Variants in MAST4 observed in about 807,000 individuals in gnomAD.
The protein encoded by MAST4 is microtubule-associated serine/threonine-protein kinase 4.
A neutral mutation model predicts 162.7 loss-of-function variants in MAST4; 89 were observed. That is an observed-to-expected ratio of 0.55 (90% CI 0.46 to 0.65). The LOEUF is 0.65. Among genes scored for constraint, MAST4 ranks in the 30% least tolerant of loss-of-function variants. MAST4 has a pLI of 0.00. For missense variants in MAST4, 3,153 were observed against 3,374.0 expected (o/e 0.93, Z 1.62); for synonymous variants, 1,479 against 1,361.1 (o/e 1.09, Z -1.91).
At chr5:66,645,939 TAG>T (rs1393036425) in intron 1 of MAST4, among the ~76,000 whole-genome samples, 1 of 152,194 alleles carries the variant, frequency 6.6e-6, no homozygotes, top group African/African-American at 2.4e-5. Flanking sequence ...TAAAACATTT[TAG>T]ACAGAAATAT....
chr5:66,945,991 A>G (rs1035300059), intron 4 of MAST4, among the ~76,000 whole-genome samples: 1 of 152,160 alleles, frequency 6.6e-6, no homozygotes, highest in African/African-American at 2.4e-5. Context: ...AAGGGTTTCA[A>G]AATAACGCAG....
chr5:67,074,583 C>T (rs1185211801), intron 5 of MAST4, among the ~76,000 whole-genome samples: 1 of 151,922 alleles, frequency 6.6e-6, no homozygotes, highest in East Asian at 2.0e-4. Flanking sequence ...AATTGTAGTC[C>T]ATCTGTATAA....
chr5:66,827,096 C>T (rs1294130690), intron 3 of MAST4, among the ~76,000 whole-genome samples: 1 of 152,192 alleles, frequency 6.6e-6, no homozygotes, highest in African/African-American at 2.4e-5. Context: ...ACAAGGCTGG[C>T]CCTTTCTCCT....
At chr5:66,665,330 T>G (rs1747182417) in intron 1 of MAST4, among the ~76,000 whole-genome samples, 1 of 152,206 alleles carries the variant, frequency 6.6e-6, no homozygotes, top group Non-Finnish European at 1.5e-5. Flanking sequence ...ATGTGCTATG[T>G]CTTTTAGCGG....
intron 3 of MAST4, among the ~76,000 whole-genome samples, chr5:66,806,110 A>G (rs26385): frequency 0.49 from 74,569 of 151,948 alleles, 18,553 homozygotes; most frequent in East Asian, 0.65. Flanking sequence ...TCCCTGAACT[A>G]TCTCTACCCT....
chr5:66,993,920 A>AGGC, intron 4 of MAST4, among the ~76,000 whole-genome samples: 1 of 57,722 alleles, frequency 1.7e-5, no homozygotes, highest in African/African-American at 6.4e-5. Flanking sequence ...TGTGCAGAAG[A>AGGC]CCCCCCCCCC....
At chr5:67,094,776 A>C (rs1248255542) in intron 6 of MAST4, among the ~76,000 whole-genome samples, 1 of 152,148 alleles carries the variant, frequency 6.6e-6, no homozygotes, top group Non-Finnish European at 1.5e-5. Context: ...CCAAACTCCA[A>C]CTGAGAAACC....
At position 67,094,485 on chromosome 5, in the gene MAST4, C is replaced by G. The variant is rs1320835346; in HGVS notation, c.834-1112C>G. On this transcript the variant is annotated intron_variant, in intron 6 of 28. Transcript: ENST00000403625. ...ATAACAAACGTAATAACACGAATTA[C>G]AAAATGTCCATATATGACACTGCAA... Among the ~76,000 whole-genome samples the G allele has an allele frequency of 2.0e-5, 3 of 152,286 alleles. No homozygotes were observed. In the East Asian group the frequency reaches 5.8e-4, roughly 29 times the overall value.
At chr5:66,685,936 A>G (rs911657992) in intron 1 of MAST4, among the ~76,000 whole-genome samples, 2 of 152,088 alleles carry the variant, frequency 1.3e-5, no homozygotes, top group Non-Finnish European at 2.9e-5. Flanking sequence ...ATCATTAGGC[A>G]TTAGTTAGAT....
intron 13 of MAST4, among the ~76,000 whole-genome samples, chr5:67,120,708 A>G (rs1338951259): frequency 6.6e-6 from 1 of 152,130 alleles, no homozygotes; most frequent in East Asian, 1.9e-4. Flanking sequence ...GGCATTTTGG[A>G]GTTAAATTCC....
rs1773697848 is a variant in MAST4 at position 67,165,003 on chromosome 5, G to A, written c.5824G>A (p.Gly1942Arg). The change falls in exon 29 of 29, where the codon GGG (glycine) becomes AGG (arginine). Residue 1942 changes from glycine to arginine, a missense_variant. This residue lies in a region of MAST4 where 1,644 missense variants were observed against 1,495.0 expected (regional missense o/e 1.10). Transcript: ENST00000403625. ...TGACCCCAAGCTTCTGACCTGCCTG[G>A]GGCAGAACCTCCACAGCCCTGACCT... ...TTDPKLLTCL[G>R]QNLHSPDLAR... 1.2e-6 allele frequency: 2 copies of A among 1,613,464 alleles called. No homozygotes were observed. Among genetic ancestry groups the A allele is most frequent in the Non-Finnish European group, 1.7e-6 (2 of 1,179,752 alleles).
At position 66,650,594 on chromosome 5, in the gene MAST4, T is replaced by A. The variant is rs183657872; in HGVS notation, c.363+53576T>A. Among the ~76,000 whole-genome samples, 143 of 152,338 alleles carry A rather than the reference T, an allele frequency of 9.4e-4. 1 individual carries two copies. The highest frequency in any genetic ancestry group is 1.9e-3 in the Non-Finnish European group (126 of 68,028). Reference sequence around the variant, plus strand: ...GTTTTGCTATAATTTAATTATAAGCTACTGTAATTTTTATTAGTATGTTTA... The same window carrying A: ...GTTTTGCTATAATTTAATTATAAGCAACTGTAATTTTTATTAGTATGTTTA... On this transcript the variant is annotated intron_variant, in intron 1 of 28. Transcript: ENST00000403625.
chr5:66,709,991 T>C (rs1750393726), intron 1 of MAST4, among the ~76,000 whole-genome samples: 1 of 152,206 alleles, frequency 6.6e-6, no homozygotes, highest in Non-Finnish European at 1.5e-5. Context: ...TCATATAGCT[T>C]GATACCCTTG....
At position 66,780,979 on chromosome 5, in the gene MAST4, T is replaced by G. The variant is rs147412600; in HGVS notation, c.518-7691T>G. The stretch of plus-strand genomic sequence containing the variant: ...CCTCTCAATACAATATCTCACCTTT[T>G]GTGACTGGTTTATTTCTTTCAGCAT... On this transcript the variant is annotated intron_variant, in intron 2 of 28. Coordinates refer to ENST00000403625, the MANE Select transcript of MAST4 (RefSeq NM_001164664.2). Among the ~76,000 whole-genome samples the G allele has an allele frequency of 1.1e-4, 16 of 152,364 alleles. No homozygotes were observed. The East Asian group carries it at 1.2e-3, about 11-fold the overall frequency.
chr5:66,987,948 C>G (rs1301386650), intron 4 of MAST4, among the ~76,000 whole-genome samples: 1 of 152,102 alleles, frequency 6.6e-6, no homozygotes, highest in Non-Finnish European at 1.5e-5. Flanking sequence ...TTTTGTGATG[C>G]TGAGGTTAAT....
At chr5:66,925,265 T>G (rs1764815860) in intron 4 of MAST4, among the ~76,000 whole-genome samples, 1 of 152,110 alleles carries the variant, frequency 6.6e-6, no homozygotes, top group South Asian at 2.1e-4. Context: ...TGTTAGACAG[T>G]TTTTAGTGGT....
At chr5:67,057,151 A>G (rs1758933436) in intron 5 of MAST4, among the ~76,000 whole-genome samples, 2 of 152,156 alleles carry the variant, frequency 1.3e-5, no homozygotes, top group Admixed American at 1.3e-4. Flanking sequence ...ACATGTGAAT[A>G]CGATACAGGA....
At chr5:66,662,177 T>C (rs1197010943) in intron 1 of MAST4, among the ~76,000 whole-genome samples, 1 of 152,106 alleles carries the variant, frequency 6.6e-6, no homozygotes, top group African/African-American at 2.4e-5. Context: ...GCTTGAAATA[T>C]AGAGTGTTGA....
intron 4 of MAST4, among the ~76,000 whole-genome samples, chr5:67,052,483 T>C (rs1187059502): frequency 1.3e-5 from 2 of 152,100 alleles, no homozygotes; most frequent in East Asian, 1.9e-4. Context: ...AAATTGTTCA[T>C]TGTTTTGCCT....
Sources: allele counts gnomAD v4.1 joint callset (sites outside exome capture counted in the v4.1 genomes callset), GRCh38; gene constraint gnomAD v4.1.1; regional missense constraint gnomAD v4.1.1; transcripts MANE v1.5; gene names NCBI Gene and HGNC (gene_info 2026-07-23, HGNC 2026-07-21).